Variants in EXOC6B observed in about 807,000 individuals in gnomAD.
EXOC6B encodes SEC15 homolog B.
Under a neutral mutation model 113.5 loss-of-function variants are expected in EXOC6B, and 54 were observed. That is an observed-to-expected ratio of 0.48 (90% CI 0.38 to 0.60). The LOEUF is 0.60. Among genes scored for constraint, EXOC6B ranks in the 20% least tolerant of loss-of-function variants. The pLI, the probability that EXOC6B is intolerant of heterozygous loss-of-function variation, is 0.00. For synonymous variants in EXOC6B, 357 were observed against 339.0 expected, an observed-to-expected ratio of 1.05 and a Z score of -0.58; for missense variants, 797 against 977.5, an observed-to-expected ratio of 0.82 and a Z score of 2.46.
chr2:72,440,454 T>G (rs568594967), intron 18 of EXOC6B, among the ~76,000 whole-genome samples: 80 of 151,970 alleles, frequency 5.3e-4, no homozygotes, highest in Non-Finnish European at 9.7e-4. Context: ...GAAGGAGAAA[T>G]AAGACCCTTT....
chr2:72,598,453 C>T (rs1670210064), intron 6 of EXOC6B, among the ~76,000 whole-genome samples: 1 of 151,698 alleles, frequency 6.6e-6, no homozygotes, highest in African/African-American at 2.4e-5. Context: ...ATGCATAAAC[C>T]AGTAAAGAAG....
At chr2:72,553,156 C>T (rs1703334467) in intron 8 of EXOC6B, among the ~76,000 whole-genome samples, 1 of 152,090 alleles carries the variant, frequency 6.6e-6, no homozygotes, top group Non-Finnish European at 1.5e-5. Flanking sequence ...GATGTGAGAT[C>T]AACCTATAAA....
chr2:72,357,589 G>T (rs1240107566), intron 19 of EXOC6B, among the ~76,000 whole-genome samples: 1 of 152,090 alleles, frequency 6.6e-6, no homozygotes, highest in Admixed American at 6.5e-5. Context: ...CTACTTAGGA[G>T]GCTGAAGCAG....
At chr2:72,596,889 A>G (rs537274336) in intron 6 of EXOC6B, among the ~76,000 whole-genome samples, 7 of 151,344 alleles carry the variant, frequency 4.6e-5, no homozygotes, top group Non-Finnish European at 1.0e-4. Context: ...ATACAGACTA[A>G]CTCCTACCTA....
chr2:72,630,785 A>C (rs1399207714), intron 6 of EXOC6B, among the ~76,000 whole-genome samples: 1 of 152,248 alleles, frequency 6.6e-6, no homozygotes, highest in Non-Finnish European at 1.5e-5. Flanking sequence ...TAATTAAACA[A>C]TTAAATAGTA....
At chr2:72,381,587 T>C (rs1691680041) in intron 18 of EXOC6B, among the ~76,000 whole-genome samples, 1 of 152,152 alleles carries the variant, frequency 6.6e-6, no homozygotes, top group East Asian at 1.9e-4. Flanking sequence ...ATTTACATAA[T>C]TTTATGTACT....
At chr2:72,683,496 C>T (rs942922083) in intron 6 of EXOC6B, among the ~76,000 whole-genome samples, 1 of 152,042 alleles carries the variant, frequency 6.6e-6, no homozygotes, top group Non-Finnish European at 1.5e-5. Flanking sequence ...TATATATAGA[C>T]ATGACTGCAT....
At chr2:72,711,060 A>T (rs1407625805) in intron 6 of EXOC6B, among the ~76,000 whole-genome samples, 3 of 152,220 alleles carry the variant, frequency 2.0e-5, no homozygotes, top group Non-Finnish European at 4.4e-5. Flanking sequence ...AAAGCAAACT[A>T]ATCAAAATAA....
At chr2:72,461,898 A>T (rs189449141) in intron 18 of EXOC6B, 1 of 152,194 alleles carries the variant, frequency 6.6e-6, no homozygotes, top group Admixed American at 6.6e-5. Flanking sequence ...CAAAAATATC[A>T]CACAAGCTTA....
chr2:72,824,973 G>A (rs541334449), intron 1 of EXOC6B, among the ~76,000 whole-genome samples: 2 of 152,178 alleles, frequency 1.3e-5, no homozygotes, highest in Non-Finnish European at 2.9e-5. Flanking sequence ...TCTGTAAAAG[G>A]AGAGTAATAG....
At chr2:72,422,223 G>C (rs1235749748) in intron 18 of EXOC6B, among the ~76,000 whole-genome samples, 1 of 152,244 alleles carries the variant, frequency 6.6e-6, no homozygotes, top group Non-Finnish European at 1.5e-5. Context: ...CACCCGGCGC[G>C]GGACTGGCAG....
At chr2:72,761,000 C>T (rs555385859) in intron 1 of EXOC6B, among the ~76,000 whole-genome samples, 3 of 152,074 alleles carry the variant, frequency 2.0e-5, no homozygotes, top group East Asian at 1.9e-4. Context: ...GCCAACACGG[C>T]GAAACCCCAT....
At chr2:72,436,444 T>C (rs1695876233) in intron 18 of EXOC6B, among the ~76,000 whole-genome samples, 1 of 152,214 alleles carries the variant, frequency 6.6e-6, no homozygotes, top group Admixed American at 6.5e-5. Flanking sequence ...AATGCTGGCC[T>C]GTCTTGCTAG....
Position 72,731,056 on chromosome 2 carries a change from AAAAG to A in EXOC6B, c.419-8_419-5del, listed in dbSNP as rs746451102. 1 of 1,551,520 alleles carries A rather than the reference AAAAG, an allele frequency of 6.4e-7. No homozygotes were observed. The highest frequency in any genetic ancestry group is 8.7e-7 in the Non-Finnish European group (1 of 1,148,650). ...AGTTTGCTGTACATCTCTAGGACTT[AAAAG>A]AAAGAAAAGAATACACAAACATGAT... On this transcript the variant is annotated splice_polypyrimidine_tract_variant and splice_region_variant and intron_variant, in intron 4 of 21. Transcript: ENST00000272427.
At chr2:72,738,211 T>G (rs1198157262) in intron 2 of EXOC6B, among the ~76,000 whole-genome samples, 1 of 152,194 alleles carries the variant, frequency 6.6e-6, no homozygotes, top group African/African-American at 2.4e-5. Context: ...TACACTCTCA[T>G]GTTCTCATGC....
At chr2:72,616,911 A>G (rs1671416370) in intron 6 of EXOC6B, among the ~76,000 whole-genome samples, 1 of 152,244 alleles carries the variant, frequency 6.6e-6, no homozygotes, top group East Asian at 1.9e-4. Flanking sequence ...CATCTGAGAC[A>G]AGGCAAGTCC....
intron 20 of EXOC6B, among the ~76,000 whole-genome samples, chr2:72,273,210 CA>C (rs1380257630): frequency 6.6e-6 from 1 of 152,116 alleles, no homozygotes; most frequent in African/African-American, 2.4e-5. Context: ...GGACATATAT[CA>C]ATGTAAAATA....
chr2:72,439,240 A>G (rs1332495078), intron 18 of EXOC6B, among the ~76,000 whole-genome samples: 1 of 152,200 alleles, frequency 6.6e-6, no homozygotes, highest in Non-Finnish European at 1.5e-5. Flanking sequence ...GGGATATTTA[A>G]CTAGGGTTCT....
intron 6 of EXOC6B, among the ~76,000 whole-genome samples, chr2:72,662,351 C>T (rs1675083009): frequency 6.6e-6 from 1 of 152,004 alleles, no homozygotes; most frequent in South Asian, 2.1e-4. Flanking sequence ...TTTTGTTCTA[C>T]AAAAGACACG....
Sources: allele counts gnomAD v4.1 joint callset (sites outside exome capture counted in the v4.1 genomes callset), GRCh38; gene constraint gnomAD v4.1.1; transcripts MANE v1.5; gene names NCBI Gene and HGNC (gene_info 2026-07-23, HGNC 2026-07-21).